The following SLC30A8 variants were observed in gnomAD, a reference collection of about 807,000 sequenced individuals.
SLC30A8 encodes the protein solute carrier family 30 member 8.
In SLC30A8, 27 loss-of-function variants were observed where a neutral mutation model predicts 36.9. The ratio of observed to expected loss-of-function variants is 0.73; its 90% CI spans 0.54 to 1.01. The LOEUF is 1.01. Ranked by LOEUF, SLC30A8 falls within the 50% of genes least tolerant of loss-of-function variation. SLC30A8 has a pLI of 0.00. For missense variants in SLC30A8, 439 were observed against 452.0 expected (o/e 0.97, Z 0.26); for synonymous variants, 164 against 172.4 (o/e 0.95, Z 0.38).
At chr8:117,122,828 A>G (rs930204405) in intron 2 of SLC30A8, among the ~76,000 whole-genome samples, 1 of 152,080 alleles carries the variant, frequency 6.6e-6, no homozygotes, top group African/African-American at 2.4e-5. Context: ...TCTTCCACAG[A>G]GAACCACAGT....
intron 1 of SLC30A8, among the ~76,000 whole-genome samples, chr8:117,037,266 A>C (rs1389490119): frequency 6.6e-6 from 1 of 152,194 alleles, no homozygotes; most frequent in Non-Finnish European, 1.5e-5. Context: ...TAAATCCTAG[A>C]TCTACATTCT....
intron 1 of SLC30A8, among the ~76,000 whole-genome samples, chr8:116,966,804 A>G (rs1814615585): frequency 6.6e-6 from 1 of 152,246 alleles, no homozygotes; most frequent in Admixed American, 6.5e-5. Flanking sequence ...ACTCAGGTAT[A>G]AAACAAAAAC....
intron 1 of SLC30A8, among the ~76,000 whole-genome samples, chr8:116,996,311 C>T (rs1198395261): frequency 6.6e-6 from 1 of 152,166 alleles, no homozygotes; most frequent in South Asian, 2.1e-4. Context: ...TTTGGGCTTT[C>T]AGTCAGGAGC....
intron 2 of SLC30A8, among the ~76,000 whole-genome samples, chr8:117,110,007 T>A (rs1353048920): frequency 6.6e-6 from 1 of 152,330 alleles, no homozygotes; most frequent in East Asian, 1.9e-4. Flanking sequence ...AAAACTAAAC[T>A]GAAGTGCAAA....
intron 1 of SLC30A8, among the ~76,000 whole-genome samples, chr8:117,021,901 A>G (rs1188711373): frequency 1.3e-5 from 2 of 152,176 alleles, no homozygotes; most frequent in Non-Finnish European, 2.9e-5. Context: ...CTGCAGAGTA[A>G]TGGGGAAACA....
chr8:116,957,991 G>A (rs1460839821), intron 1 of SLC30A8, among the ~76,000 whole-genome samples: 1 of 152,306 alleles, frequency 6.6e-6, no homozygotes, highest in Non-Finnish European at 1.5e-5. Context: ...TATGCCTCGT[G>A]TCAGGGAATC....
intron 2 of SLC30A8, among the ~76,000 whole-genome samples, chr8:117,105,245 T>C (rs1333976699): frequency 6.6e-6 from 1 of 152,158 alleles, no homozygotes; most frequent in Non-Finnish European, 1.5e-5. Flanking sequence ...CTCTGACATT[T>C]CTATTAGAAT....
intron 1 of SLC30A8, among the ~76,000 whole-genome samples, chr8:117,136,450 T>A (rs898578722): frequency 2.5e-4 from 38 of 152,102 alleles, no homozygotes; most frequent in African/African-American, 8.7e-4. Flanking sequence ...ATACGTGTAA[T>A]GTTCTTGTTT....
intron 1 of SLC30A8, 35 bp from the exon 2 acceptor site, chr8:117,146,919 T>A (rs1018906209): frequency 1.2e-6 from 2 of 1,611,884 alleles, no homozygotes; most frequent in Non-Finnish European, 1.7e-6. Context: ...TTTGCAACTA[T>A]GTTCACTTCT....
chr8:117,088,373 C>A (rs1276274714), intron 2 of SLC30A8, among the ~76,000 whole-genome samples: 2 of 152,132 alleles, frequency 1.3e-5, no homozygotes, highest in Admixed American at 6.6e-5. Flanking sequence ...AGGTTTCCCC[C>A]CTTATTCCTG....
At chr8:117,158,796 T>A (rs551442106) in intron 4 of SLC30A8, among the ~76,000 whole-genome samples, 107 of 151,710 alleles carry the variant, frequency 7.1e-4, no homozygotes, top group African/African-American at 2.4e-3. Flanking sequence ...ATCTATCTAG[T>A]GATCTAGCTA....
At chr8:117,119,278 T>C (rs778461564) in intron 2 of SLC30A8, among the ~76,000 whole-genome samples, 2 of 151,894 alleles carry the variant, frequency 1.3e-5, no homozygotes, top group Non-Finnish European at 2.9e-5. Flanking sequence ...CTTTAGTTCA[T>C]CTGTTTTATG....
At chr8:117,039,528 G>A (rs1817318333) in intron 2 of SLC30A8, among the ~76,000 whole-genome samples, 1 of 152,108 alleles carries the variant, frequency 6.6e-6, no homozygotes, top group Admixed American at 6.6e-5. Flanking sequence ...GATACCTGTA[G>A]TCACGTTAGG....
intron 2 of SLC30A8, among the ~76,000 whole-genome samples, chr8:117,097,323 G>A (rs1250044950): frequency 1.4e-5 from 2 of 140,530 alleles, no homozygotes; most frequent in South Asian, 2.2e-4. Flanking sequence ...GGCGTTTACC[G>A]GGGGTGGAGC....
chr8:116,999,227 C>T lies in SLC30A8; in HGVS notation c.-265-39992C>T, dbSNP rs1043016907. ...TGAGCCGAGATCATGCCATTGCGCTCCAGCCTGGGTGACAGAGGGAGACTC... is the reference window on the plus strand; with the variant it reads ...TGAGCCGAGATCATGCCATTGCGCTTCAGCCTGGGTGACAGAGGGAGACTC... On this transcript the variant is annotated intron_variant, in intron 1 of 10. Transcript: ENST00000427715. Among the ~76,000 whole-genome samples, 3 of 152,114 alleles carry T rather than the reference C, an allele frequency of 2.0e-5. No homozygotes were observed. The South Asian group carries it at 6.2e-4, about 32-fold the overall frequency.
chr8:117,114,076 C>T (rs1303094581), intron 2 of SLC30A8, among the ~76,000 whole-genome samples: 2 of 152,098 alleles, frequency 1.3e-5, no homozygotes, highest in African/African-American at 4.8e-5. Flanking sequence ...AAATGATGAC[C>T]TGGCTCCAGG....
intron 1 of SLC30A8, among the ~76,000 whole-genome samples, chr8:116,956,621 G>T (rs1364717178): frequency 2.0e-5 from 3 of 151,960 alleles, no homozygotes; most frequent in Admixed American, 2.0e-4. Context: ...ATCTACTAAG[G>T]GGATGCCATA....
chr8:117,146,161 G>A (rs1014155069), intron 1 of SLC30A8, among the ~76,000 whole-genome samples: 1 of 152,096 alleles, frequency 6.6e-6, no homozygotes, highest in Non-Finnish European at 1.5e-5. Context: ...TATTTAAGGT[G>A]ATGGACATCT....
intron 1 of SLC30A8, among the ~76,000 whole-genome samples, chr8:116,983,663 A>T (rs1308800370): frequency 6.6e-6 from 1 of 151,856 alleles, no homozygotes; most frequent in African/African-American, 2.4e-5. Context: ...TTTCTTTTTT[A>T]TGTGTTTCTT....
Sources: allele counts gnomAD v4.1 joint callset (sites outside exome capture counted in the v4.1 genomes callset), GRCh38; gene constraint gnomAD v4.1.1; transcripts MANE v1.5; gene names NCBI Gene and HGNC (gene_info 2026-07-23, HGNC 2026-07-21).